The following NAALADL2 variants were observed in gnomAD, a reference collection of about 807,000 sequenced individuals.
NAALADL2 encodes inactive N-acetylated-alpha-linked acidic dipeptidase-like protein 2.
NAALADL2 carries 76 observed loss-of-function variants against 87.2 expected under a neutral mutation model. The ratio of observed to expected loss-of-function variants is 0.87; its 90% CI spans 0.72 to 1.05. NAALADL2 has a LOEUF of 1.05. Among genes scored for constraint, NAALADL2 ranks in the 50% least tolerant of loss-of-function variants. The pLI is 0.00. For synonymous variants in NAALADL2, 354 were observed against 331.0 expected (o/e 1.07, Z -0.75); for missense variants, 1,089 against 945.8 (o/e 1.15, Z -1.99).
At chr3:175,142,544 G>C (rs1730152818) in intron 2 of NAALADL2, among the ~76,000 whole-genome samples, 1 of 151,928 alleles carries the variant, frequency 6.6e-6, no homozygotes, top group Admixed American at 6.6e-5. Flanking sequence ...GCAGGACTCA[G>C]ATTTAAACCC....
chr3:175,634,887 T>A (rs796957546), intron 11 of NAALADL2, among the ~76,000 whole-genome samples: 9 of 152,158 alleles, frequency 5.9e-5, no homozygotes, highest in African/African-American at 2.2e-4. Context: ...CATAGAGATT[T>A]GTACTCTTAG....
At chr3:175,517,310 T>C (rs1013730985) in intron 9 of NAALADL2, among the ~76,000 whole-genome samples, 10 of 152,194 alleles carry the variant, frequency 6.6e-5, no homozygotes, top group Non-Finnish European at 1.0e-4. Flanking sequence ...GAATAATTAT[T>C]TTTCATGACA....
intron 1 of NAALADL2, among the ~76,000 whole-genome samples, chr3:175,056,107 C>G (rs1043021348): frequency 6.6e-6 from 1 of 152,072 alleles, no homozygotes; most frequent in Non-Finnish European, 1.5e-5. Context: ...GAGGCAACTA[C>G]TTTTTGCCCA....
chr3:174,639,663 A>G (rs1242604827), intron 2 of NAALADL2, among the ~76,000 whole-genome samples: 1 of 152,196 alleles, frequency 6.6e-6, no homozygotes, highest in Non-Finnish European at 1.5e-5. Flanking sequence ...TGAACATTGC[A>G]TACAGTCCAG....
At chr3:174,951,841 A>C (rs1740414447) in intron 1 of NAALADL2, among the ~76,000 whole-genome samples, 1 of 152,082 alleles carries the variant, frequency 6.6e-6, no homozygotes, top group Admixed American at 6.6e-5. Context: ...CCTTAAAACC[A>C]CTAGTGATGT....
intron 9 of NAALADL2, among the ~76,000 whole-genome samples, chr3:175,475,067 G>A (rs4894718): frequency 0.69 from 103,640 of 151,036 alleles, 37,681 homozygotes; most frequent in East Asian, 0.9. Context: ...GTATATATTT[G>A]TGTATTATAT....
intron 2 of NAALADL2, among the ~76,000 whole-genome samples, chr3:175,105,595 C>G (rs1024309841): frequency 6.7e-6 from 1 of 148,630 alleles, no homozygotes; most frequent in African/African-American, 2.5e-5. Flanking sequence ...TACACAAATC[C>G]TAATCCATGC....
At chr3:175,439,030 G>C (rs767989253) in intron 5 of NAALADL2, among the ~76,000 whole-genome samples, 10 of 152,164 alleles carry the variant, frequency 6.6e-5, no homozygotes, top group Admixed American at 5.2e-4. Context: ...AGTCCCCAAA[G>C]TCCGCTGTAT....
chr3:174,642,748 ACATATATATAT>A (rs1485640473), intron 2 of NAALADL2, among the ~76,000 whole-genome samples: 1 of 39,596 alleles, frequency 2.5e-5, no homozygotes, highest in Non-Finnish European at 4.9e-5. Flanking sequence ...ATGAAAAAAA[ACATATATATAT>A]ATATATATAT....
intron 1 of NAALADL2, among the ~76,000 whole-genome samples, chr3:175,064,081 C>A (rs1440226645): frequency 6.6e-6 from 1 of 151,876 alleles, no homozygotes; most frequent in African/African-American, 2.4e-5. Context: ...GGAATTTATT[C>A]CAGTTCTCTT....
intron 1 of NAALADL2, among the ~76,000 whole-genome samples, chr3:174,476,726 A>G (rs1339078178): frequency 6.6e-6 from 1 of 152,090 alleles, no homozygotes; most frequent in Non-Finnish European, 1.5e-5. Context: ...TAATTCTAAT[A>G]AAGTCCCTAC....
At chr3:174,804,669 G>A (rs1057343649) in intron 3 of NAALADL2, among the ~76,000 whole-genome samples, 1 of 151,840 alleles carries the variant, frequency 6.6e-6, no homozygotes, top group Non-Finnish European at 1.5e-5. Flanking sequence ...CTTATGACAT[G>A]GACCCTAACT....
intron 1 of NAALADL2, among the ~76,000 whole-genome samples, chr3:174,978,362 A>C (rs979040122): frequency 3.3e-5 from 5 of 152,248 alleles, no homozygotes; most frequent in Non-Finnish European, 5.9e-5. Flanking sequence ...GCTTGAAGAA[A>C]GGCCTAGAGG....
chr3:175,623,129 C>T (rs183182155), intron 10 of NAALADL2, among the ~76,000 whole-genome samples: 5 of 152,054 alleles, frequency 3.3e-5, no homozygotes, highest in Admixed American at 1.3e-4. Flanking sequence ...GGTTGTTTTA[C>T]GTTGAGGGAT....
rs1331533193 is a variant in NAALADL2, at chr3:175,467,018, A to G, written c.1367A>G (p.His456Arg). 11 of 1,613,724 alleles carry G rather than the reference A, an allele frequency of 6.8e-6. No individual in the cohort carries two copies. The African/African-American group carries it at 1.5e-4, about 22-fold the overall frequency. ...IIVGSHHHTA[H>R]SYNGQEWASS... ...GTTGGCAGCCATCATCACACTGCAC[A>G]CAGTTATAATGGACAAGAATGGGCC... Residue 456 changes from histidine to arginine, a missense_variant, in exon 8 of 14, where the codon CAC becomes CGC. His to Arg is a conservative substitution (Grantham distance 29). Transcript: ENST00000454872.
chr3:174,926,179 A>G lies in NAALADL2; in HGVS notation c.43+66729A>G, dbSNP rs150534375. On this transcript the variant is annotated intron_variant, in intron 1 of 13. Coordinates refer to ENST00000454872, the MANE Select transcript of NAALADL2 (RefSeq NM_207015.3). ...AGAAAAAAAGAGTAAAAAGAAATGA[A>G]CAAAGCCTCCAGGAAATATGGGACT... Among the ~76,000 whole-genome samples the G allele has an allele frequency of 1.9e-4, 29 of 152,296 alleles. No homozygotes were observed. The East Asian group carries it at 2.7e-3, about 14-fold the overall frequency.
intron 9 of NAALADL2, among the ~76,000 whole-genome samples, chr3:175,557,082 TACAG>T (rs1387268434): frequency 2.0e-5 from 3 of 152,230 alleles, no homozygotes; most frequent in African/African-American, 4.8e-5. Flanking sequence ...AATACATCTG[TACAG>T]ACATTCTCTA....
At chr3:174,911,289 A>G (rs1414221019) in intron 1 of NAALADL2, among the ~76,000 whole-genome samples, 2 of 152,176 alleles carry the variant, frequency 1.3e-5, no homozygotes, top group Non-Finnish European at 2.9e-5. Flanking sequence ...TGACTGATTC[A>G]TAAGGGTAGG....
intron 1 of NAALADL2, among the ~76,000 whole-genome samples, chr3:175,004,726 TTGTTTCA>T (rs1265067708): frequency 1.3e-5 from 2 of 152,170 alleles, no homozygotes; most frequent in Admixed American, 6.5e-5. Context: ...TATAATAACT[TTGTTTCA>T]TGCATAAAAT....
Sources: allele counts gnomAD v4.1 joint callset (sites outside exome capture counted in the v4.1 genomes callset), GRCh38; gene constraint gnomAD v4.1.1; transcripts MANE v1.5; gene names NCBI Gene and HGNC (gene_info 2026-07-23, HGNC 2026-07-21).